The following KPNA6 variants were observed in gnomAD, a reference collection of about 807,000 sequenced individuals.
KPNA6 encodes the protein importin subunit alpha-7.
A neutral mutation model predicts 72.0 loss-of-function variants in KPNA6; 9 were observed. That is an observed-to-expected ratio of 0.13 (90% confidence interval 0.08 to 0.22). The LOEUF (loss-of-function observed/expected upper bound fraction) is 0.22. Among genes scored for constraint, KPNA6 ranks in the 10% least tolerant of loss-of-function variants. The pLI is 1.00. For synonymous variants in KPNA6, 219 were observed against 242.1 expected, an observed-to-expected ratio of 0.90 and a Z score of 0.89; for missense variants, 374 against 655.7, an observed-to-expected ratio of 0.57 and a Z score of 4.69.
chr1:32,160,037 G>A (rs557866560), intron 6 of KPNA6, among the ~76,000 whole-genome samples: 4 of 152,158 alleles, frequency 2.6e-5, no homozygotes, highest in African/African-American at 9.7e-5. Context: ...GGTGGCTCAC[G>A]CCTATAATCC....
chr1:32,117,459 A>G (rs1489336673), intron 1 of KPNA6, among the ~76,000 whole-genome samples: 1 of 151,174 alleles, frequency 6.6e-6, no homozygotes, highest in Non-Finnish European at 1.5e-5. Context: ...GGCGTGAGCC[A>G]CTGCGCCCGG....
At chr1:32,165,712 A>T (rs1045470730) in intron 10 of KPNA6, among the ~76,000 whole-genome samples, 1 of 151,522 alleles carries the variant, frequency 6.6e-6, no homozygotes, top group East Asian at 1.9e-4. Flanking sequence ...AAGAAAAAAA[A>T]TGAAGCCGGG....
chr1:32,142,981 C>T (rs755774867), intron 1 of KPNA6: 14 of 1,289,608 alleles, frequency 1.1e-5, no homozygotes, highest in African/African-American at 3.0e-5. Flanking sequence ...GAGAGGCTAG[C>T]GTCCAGGACA....
rs932833551 is a variant in KPNA6 at position 32,174,649 on chromosome 1, A to C, written c.*3755A>C. 1 of 152,082 alleles carries C rather than the reference A, an allele frequency of 6.6e-6. No homozygotes were observed. The highest frequency in any genetic ancestry group is 1.5e-5 in the Non-Finnish European group (1 of 68,018). 9.4% of individuals were successfully genotyped at this position (152,082 alleles called of 1,614,324 possible). A position where few individuals can be genotyped will look rare whatever the true frequency, so the allele number is the denominator to read the frequency against. ...TTCAGTAGATTCATCTAGGGTTCAGATTCCAGACTCTCAGCTGAAGACAGG... is the reference window on the plus strand; with the variant it reads ...TTCAGTAGATTCATCTAGGGTTCAGCTTCCAGACTCTCAGCTGAAGACAGG... On this transcript the variant is annotated 3_prime_UTR_variant, in exon 14 of 14. Transcript: ENST00000373625.
chr1:32,150,688 A>G (rs1203342368), intron 1 of KPNA6, among the ~76,000 whole-genome samples: 2 of 151,724 alleles, frequency 1.3e-5, no homozygotes, highest in East Asian at 3.9e-4. Flanking sequence ...GTGCAGTAGC[A>G]TGATCTCTGC....
At chr1:32,126,569 G>C (rs1641539880) in intron 1 of KPNA6, among the ~76,000 whole-genome samples, 1 of 151,928 alleles carries the variant, frequency 6.6e-6, no homozygotes, top group African/African-American at 2.4e-5. Flanking sequence ...ATTTTTAGTA[G>C]AGACGAGGTT....
At chr1:32,122,195 A>AC (rs1641445118) in intron 1 of KPNA6, among the ~76,000 whole-genome samples, 1 of 151,958 alleles carries the variant, frequency 6.6e-6, no homozygotes, top group Non-Finnish European at 1.5e-5. Flanking sequence ...AATCGCTTGA[A>AC]CCCAAGAGGC....
intron 1 of KPNA6, among the ~76,000 whole-genome samples, chr1:32,147,337 A>C (rs919762516): frequency 2.0e-5 from 3 of 152,180 alleles, no homozygotes; most frequent in African/African-American, 7.2e-5. Flanking sequence ...TGTGTCACAC[A>C]GGCTGGAGTG....
chr1:32,117,199 G>T (rs1220295250), intron 1 of KPNA6, among the ~76,000 whole-genome samples: 14 of 150,348 alleles, frequency 9.3e-5, no homozygotes, highest in Non-Finnish European at 1.8e-4. Flanking sequence ...TTGAGACGGA[G>T]TTTCACTCTG....
At chr1:32,115,086 C>A (rs568975317) in intron 1 of KPNA6, among the ~76,000 whole-genome samples, 1 of 151,926 alleles carries the variant, frequency 6.6e-6, no homozygotes, top group East Asian at 1.9e-4. Context: ...GTGATCCGCC[C>A]ACCTCAGCCT....
At chr1:32,136,181 CTTT>C (rs759447035) in intron 1 of KPNA6, among the ~76,000 whole-genome samples, 1 of 139,296 alleles carries the variant, frequency 7.2e-6, no homozygotes, top group Non-Finnish European at 1.5e-5. Flanking sequence ...TAGCTTCTCT[CTTT>C]TTTTTTTTTG....
At chr1:32,138,009 A>G (rs1022823563) in intron 1 of KPNA6, among the ~76,000 whole-genome samples, 1 of 151,414 alleles carries the variant, frequency 6.6e-6, no homozygotes, top group Non-Finnish European at 1.5e-5. Context: ...GTGGTGGGCA[A>G]CTGTAATCCC....
At chr1:32,164,038 A>G (rs1016464042) in intron 10 of KPNA6, among the ~76,000 whole-genome samples, 3 of 152,232 alleles carry the variant, frequency 2.0e-5, no homozygotes, top group African/African-American at 7.2e-5. Context: ...CTGAAACCGT[A>G]CACATTAAAC....
At chr1:32,152,594 C>A (rs1217824716) in intron 1 of KPNA6, among the ~76,000 whole-genome samples, 3 of 152,024 alleles carry the variant, frequency 2.0e-5, no homozygotes, top group African/African-American at 7.2e-5. Flanking sequence ...ACCTGTAATC[C>A]CAGCACTTTG....
intron 1 of KPNA6, among the ~76,000 whole-genome samples, chr1:32,119,053 A>G (rs1641386806): frequency 3.2e-5 from 2 of 62,520 alleles, no homozygotes; most frequent in East Asian, 4.3e-4. Context: ...TTTTTTTGAG[A>G]GAGAGTCTCA....
At chr1:32,120,524 G>A (rs892873874) in intron 1 of KPNA6, among the ~76,000 whole-genome samples, 8 of 149,764 alleles carry the variant, frequency 5.3e-5, no homozygotes, top group African/African-American at 1.5e-4. Context: ...CTGAGATTAT[G>A]GGCTTAAGCC....
intron 1 of KPNA6, among the ~76,000 whole-genome samples, chr1:32,148,559 T>TG (rs1334333863): frequency 6.7e-6 from 1 of 148,836 alleles, no homozygotes; most frequent in Admixed American, 6.7e-5. Flanking sequence ...ATATTGGTCT[T>TG]TTTTTTTTTT....
intron 1 of KPNA6, among the ~76,000 whole-genome samples, chr1:32,115,060 G>C (rs1557454569): frequency 1.3e-5 from 2 of 151,930 alleles, no homozygotes; most frequent in African/African-American, 2.4e-5. Flanking sequence ...GGCTGGTCTC[G>C]AACTCCTGAC....
intron 1 of KPNA6, among the ~76,000 whole-genome samples, chr1:32,132,163 G>A (rs1312356618): frequency 6.6e-6 from 1 of 151,978 alleles, no homozygotes; most frequent in East Asian, 1.9e-4. Flanking sequence ...TAGAGACAGA[G>A]TTTCACCATG....
Sources: gnomAD v4.1 joint callset for allele counts (sites outside exome capture counted in the v4.1 genomes callset) on GRCh38, gnomAD v4.1.1 for gene constraint, MANE v1.5 for transcripts, NCBI Gene and HGNC (gene_info 2026-07-23, HGNC 2026-07-21) for gene names.